The following AGBL3 variants were observed in gnomAD, a reference collection of about 807,000 sequenced individuals.
AGBL3 encodes cytosolic carboxypeptidase 3.
A neutral mutation model predicts 94.5 loss-of-function variants in AGBL3; 68 were observed. The observed-to-expected ratio is 0.72, with a 90% CI of 0.59 to 0.88. The LOEUF is 0.88. Ranked by LOEUF, AGBL3 falls within the 40% of genes least tolerant of loss-of-function variation. AGBL3 has a pLI of 0.00. For missense variants in AGBL3, 934 were observed against 1,103.8 expected, an observed-to-expected ratio of 0.85 and a Z score of 2.18; for synonymous variants, 354 against 370.7, an observed-to-expected ratio of 0.95 and a Z score of 0.52.
At chr7:135,024,337 C>G (rs1433583888) in intron 5 of AGBL3, among the ~76,000 whole-genome samples, 1 of 152,220 alleles carries the variant, frequency 6.6e-6, no homozygotes, top group Non-Finnish European at 1.5e-5. Flanking sequence ...CCATTACTCT[C>G]AAGCACCATC....
At chr7:135,097,770 GAT>G (rs1487894299) in intron 15 of AGBL3, among the ~76,000 whole-genome samples, 8 of 152,072 alleles carry the variant, frequency 5.3e-5, no homozygotes, top group African/African-American at 1.7e-4. Flanking sequence ...TGAGTTATTT[GAT>G]ATTATATGTA....
intron 5 of AGBL3, among the ~76,000 whole-genome samples, chr7:135,032,375 G>A (rs562200161): frequency 9.2e-5 from 14 of 151,904 alleles, no homozygotes; most frequent in East Asian, 1.9e-4. Context: ...CGCGATCTCC[G>A]CTCACTGCAA....
intron 15 of AGBL3, among the ~76,000 whole-genome samples, chr7:135,104,527 C>T (rs542130084): frequency 6.6e-6 from 1 of 152,106 alleles, no homozygotes; most frequent in African/African-American, 2.4e-5. Context: ...AATGGTTGAA[C>T]TAATCTACAC....
At chr7:135,070,037 G>A (rs1819731049) in intron 12 of AGBL3, among the ~76,000 whole-genome samples, 1 of 152,134 alleles carries the variant, frequency 6.6e-6, no homozygotes, top group Admixed American at 6.5e-5. Flanking sequence ...AAATGACAAA[G>A]GGGATATCAC....
At chr7:135,074,732 G>A (rs1439798585) in intron 12 of AGBL3, among the ~76,000 whole-genome samples, 1 of 151,982 alleles carries the variant, frequency 6.6e-6, no homozygotes, top group African/African-American at 2.4e-5. Flanking sequence ...GACACTCATG[G>A]ATAAATATTC....
chr7:135,096,783 G>T (rs528097891), intron 15 of AGBL3, among the ~76,000 whole-genome samples: 9 of 148,866 alleles, frequency 6.0e-5, no homozygotes, highest in African/African-American at 2.3e-4. Context: ...AAGAAAGAAA[G>T]AAAGAAAGAA....
chr7:135,114,389 C>A (rs933938365), intron 15 of AGBL3, among the ~76,000 whole-genome samples: 9 of 151,996 alleles, frequency 5.9e-5, no homozygotes, highest in Non-Finnish European at 1.2e-4. Context: ...TTGATAGCAG[C>A]CATCCTAATA....
chr7:135,122,996 T>G (rs763510882), intron 16 of AGBL3, among the ~76,000 whole-genome samples: 1 of 152,074 alleles, frequency 6.6e-6, no homozygotes. Flanking sequence ...CTCCTCCAAA[T>G]GATCGCAATG....
intron 15 of AGBL3, among the ~76,000 whole-genome samples, chr7:135,085,333 G>A (rs1821253557): frequency 6.6e-6 from 1 of 151,998 alleles, no homozygotes; most frequent in African/African-American, 2.4e-5. Context: ...CCTTTGCTGT[G>A]CAAAAGATTT....
intron 5 of AGBL3, among the ~76,000 whole-genome samples, chr7:135,025,298 AG>A (rs1814966694): frequency 6.6e-6 from 1 of 151,598 alleles, no homozygotes; most frequent in Non-Finnish European, 1.5e-5. Flanking sequence ...ACAAGCCAGA[AG>A]GGGGCCTATT....
chr7:135,083,023 A>G (rs1585033813), intron 15 of AGBL3, among the ~76,000 whole-genome samples: 1 of 152,128 alleles, frequency 6.6e-6, no homozygotes, highest in African/African-American at 2.4e-5. Flanking sequence ...TACTATCTCC[A>G]TAACCACTCC....
chr7:135,045,832 G>C lies in AGBL3; in HGVS notation c.1762G>C (p.Glu588Gln). 5.8e-6 allele frequency: 9 copies of C among 1,550,656 alleles called. No homozygotes were observed. Among genetic ancestry groups the C allele is most frequent in the African/African-American group, 1.4e-5 (1 of 73,108 alleles). Residue 588 changes from glutamate (E) to glutamine (Q), a missense_variant, in exon 11 of 17, where the codon GAA (glutamate) becomes CAA (glutamine). Glu to Gln is a conservative substitution (Grantham distance 29, BLOSUM62 2). This residue lies in a region of AGBL3 where 441 missense variants were observed against 518.2 expected (regional missense o/e 0.85). Coordinates refer to ENST00000436302, the MANE Select transcript of AGBL3 (RefSeq NM_178563.4). Reference sequence around the variant, plus strand: ...GTGCCTGAAAGAATTAGAAGAAATGGAAAGACATATAACCCTGGAAAAAGT... The same window carrying C: ...GTGCCTGAAAGAATTAGAAGAAATGCAAAGACATATAACCCTGGAAAAAGT... ...YRCLKELEEMERHITLEKVFE... is the reference protein window; with the variant it reads ...YRCLKELEEMQRHITLEKVFE...
At chr7:135,129,087 G>T in intron 16 of AGBL3, 1 of 1,600,412 alleles carries the variant, frequency 6.2e-7, no homozygotes, top group Non-Finnish European at 8.6e-7. Flanking sequence ...CCCTTCAGTG[G>T]CCACTACTGG....
intron 8 of AGBL3, among the ~76,000 whole-genome samples, chr7:135,042,091 G>A (rs896488048): frequency 6.6e-6 from 1 of 152,042 alleles, no homozygotes; most frequent in Non-Finnish European, 1.5e-5. Flanking sequence ...GATGCAAAAT[G>A]GTATATCATT....
At position 135,027,299 on chromosome 7, in the gene AGBL3, T is replaced by G. The variant is rs1815253919; in HGVS notation, c.419-5545T>G. Among the ~76,000 whole-genome samples, 2 of 151,730 alleles carry G rather than the reference T, an allele frequency of 1.3e-5. 1 individual carries two copies. The highest frequency in any genetic ancestry group is 1.3e-4 in the Admixed American group (2 of 15,246). ...CTTAGCTCAGGCAGTCCACCCACCT[T>G]GGCCTTCCAAAGTGCTAGGATTACA... is the stretch of plus-strand genomic sequence containing the variant. On this transcript the variant is annotated intron_variant, in intron 5 of 16. Transcript: ENST00000436302.
In AGBL3 at chr7:135,038,324, G is replaced by A. The variant is rs147922797; in HGVS notation, c.1500+744G>A. Among the ~76,000 whole-genome samples the A allele has an allele frequency of 4.2e-3, 642 of 152,290 alleles. 3 individuals carry two copies. Among genetic ancestry groups the A allele is most frequent in the African/African-American group, 0.015 (612 of 41,570 alleles). Reference sequence around the variant, plus strand: ...AAATAGCTATTTAAAGAAAGAACAGGTTTGTTCGCCAAAGAGGATTCATTT... The same window carrying A: ...AAATAGCTATTTAAAGAAAGAACAGATTTGTTCGCCAAAGAGGATTCATTT... On this transcript the variant is annotated intron_variant, in intron 8 of 16. Coordinates refer to ENST00000436302, the MANE Select transcript of AGBL3 (RefSeq NM_178563.4).
At chr7:135,127,757 G>A (rs1828092640) in intron 16 of AGBL3, among the ~76,000 whole-genome samples, 1 of 152,148 alleles carries the variant, frequency 6.6e-6, no homozygotes, top group South Asian at 2.1e-4. Flanking sequence ...CATTGTGGAA[G>A]ACAGTATGGC....
intron 13 of AGBL3, among the ~76,000 whole-genome samples, chr7:135,079,412 T>G (rs1373616378): frequency 6.6e-6 from 1 of 152,072 alleles, no homozygotes; most frequent in Non-Finnish European, 1.5e-5. Context: ...TATGAAGAGG[T>G]GGGTTTGAGC....
chr7:135,032,462 A>T (rs1161734003), intron 5 of AGBL3, among the ~76,000 whole-genome samples: 1 of 142,408 alleles, frequency 7.0e-6, no homozygotes, highest in Admixed American at 7.2e-5. Context: ...GTGCCACCAC[A>T]CCTGGCTAAT....
Sources: allele counts gnomAD v4.1 joint callset (sites outside exome capture counted in the v4.1 genomes callset), GRCh38; gene constraint gnomAD v4.1.1; regional missense constraint gnomAD v4.1.1; transcripts MANE v1.5; gene names NCBI Gene and HGNC (gene_info 2026-07-23, HGNC 2026-07-21).